ARHGAP17: variants seen among roughly 807,000 people sequenced by gnomAD.
The protein encoded by ARHGAP17 is Rho GTPase activating protein 17.
In ARHGAP17, 57 loss-of-function variants were observed where a neutral mutation model predicts 99.5. That is an observed-to-expected ratio of 0.57 (90% CI 0.46 to 0.71). The LOEUF is 0.71. Among genes scored for constraint, ARHGAP17 ranks in the 30% least tolerant of loss-of-function variants. ARHGAP17 has a pLI of 0.00. For synonymous variants in ARHGAP17, 417 were observed against 429.6 expected, an observed-to-expected ratio of 0.97 and a Z score of 0.36; for missense variants, 1,000 against 1,122.4, an observed-to-expected ratio of 0.89 and a Z score of 1.56.
chr16:24,968,076 A>C (rs2052244734), intron 6 of ARHGAP17, among the ~76,000 whole-genome samples: 1 of 152,110 alleles, frequency 6.6e-6, no homozygotes, highest in Admixed American at 6.5e-5. Context: ...TGCTCTCAAA[A>C]CTGCCACCAT....
At chr16:24,977,450 A>G (rs1018410856) in intron 2 of ARHGAP17, 131 bp from the exon 3 acceptor site, 2 of 640,540 alleles carry the variant, frequency 3.1e-6, no homozygotes, top group East Asian at 3.0e-5. Context: ...TTGCTATCAC[A>G]CTGAGTGGCG....
At chr16:24,959,492 G>A (rs866404677) in intron 9 of ARHGAP17, among the ~76,000 whole-genome samples, 179 bp downstream of exon 9, 9 of 152,200 alleles carry the variant, frequency 5.9e-5, no homozygotes, top group Non-Finnish European at 1.5e-5. Flanking sequence ...GTTAATTTGG[G>A]TTTGGAAGAA....
intron 9 of ARHGAP17, chr16:24,956,427 CAG>C (rs1012088137): frequency 6.6e-6 from 1 of 152,216 alleles, no homozygotes; most frequent in African/African-American, 2.4e-5. Context: ...GTAAAGTTAA[CAG>C]AGACTCCCTA....
chr16:24,951,138 T>G (rs540569688), intron 12 of ARHGAP17, among the ~76,000 whole-genome samples: 1 of 152,236 alleles, frequency 6.6e-6, no homozygotes, highest in Admixed American at 6.5e-5. Flanking sequence ...CCTCTAGGCT[T>G]TTTAAACAAA....
intron 14 of ARHGAP17, among the ~76,000 whole-genome samples, chr16:24,944,948 T>C (rs1200446239): frequency 6.6e-6 from 1 of 151,728 alleles, no homozygotes. Context: ...AACCTGAGCC[T>C]CCCATTCACA....
intron 1 of ARHGAP17, among the ~76,000 whole-genome samples, chr16:24,979,232 A>C (rs2052603952): frequency 1.3e-5 from 2 of 152,190 alleles, no homozygotes; most frequent in Non-Finnish European, 2.9e-5. Flanking sequence ...AACAAGAACA[A>C]ATGATCCTGA....
At chr16:24,940,537 T>A (rs2051283790) in intron 16 of ARHGAP17, among the ~76,000 whole-genome samples, 1 of 152,128 alleles carries the variant, frequency 6.6e-6, no homozygotes, top group African/African-American at 2.4e-5. Flanking sequence ...TACAAAAAAC[T>A]ATTTTTTTAG....
chr16:24,937,417 G>A (rs998575442), intron 17 of ARHGAP17, among the ~76,000 whole-genome samples: 1 of 151,766 alleles, frequency 6.6e-6, no homozygotes, highest in Non-Finnish European at 1.5e-5. Flanking sequence ...GCGAGACTTC[G>A]TCTCAAAAAA....
At chr16:24,938,866 G>C (rs972865402) in intron 17 of ARHGAP17, among the ~76,000 whole-genome samples, 24 of 152,278 alleles carry the variant, frequency 1.6e-4, no homozygotes, top group Admixed American at 9.2e-4. Flanking sequence ...TGAAATCTGG[G>C]GGTGTGGAGT....
chr16:24,925,202 A>G (rs1340449665), intron 19 of ARHGAP17, among the ~76,000 whole-genome samples: 1 of 152,090 alleles, frequency 6.6e-6, no homozygotes, highest in Non-Finnish European at 1.5e-5. Context: ...AATATGGCAA[A>G]ACCCTGTCTC....
At chr16:25,011,405 C>T (rs904514288) in intron 1 of ARHGAP17, among the ~76,000 whole-genome samples, 3 of 152,116 alleles carry the variant, frequency 2.0e-5, no homozygotes, top group Admixed American at 6.6e-5. Flanking sequence ...ACAGTGCCTA[C>T]CTAAAGAGTG....
At chr16:25,012,570 C>G (rs1032225251) in intron 1 of ARHGAP17, among the ~76,000 whole-genome samples, 1 of 152,220 alleles carries the variant, frequency 6.6e-6, no homozygotes, top group African/African-American at 2.4e-5. Flanking sequence ...AATCCTGATT[C>G]TGGGGCCAAC....
intron 17 of ARHGAP17, among the ~76,000 whole-genome samples, chr16:24,937,721 T>C (rs2051181203): frequency 6.6e-6 from 1 of 152,158 alleles, no homozygotes; most frequent in African/African-American, 2.4e-5. Context: ...GAAACAAGAT[T>C]CCTATCTCAC....
At chr16:24,993,360 C>T (rs554580657) in intron 1 of ARHGAP17, among the ~76,000 whole-genome samples, 33 of 151,884 alleles carry the variant, frequency 2.2e-4, no homozygotes, top group Admixed American at 5.2e-4. Context: ...CCGAGGTGGG[C>T]GGATCACCTA....
At chr16:24,994,806 C>A (rs1008871047) in intron 1 of ARHGAP17, among the ~76,000 whole-genome samples, 7 of 152,170 alleles carry the variant, frequency 4.6e-5, no homozygotes, top group Non-Finnish European at 8.8e-5. Context: ...ACCTAATACA[C>A]ACTTTACTTG....
intron 1 of ARHGAP17, among the ~76,000 whole-genome samples, chr16:24,983,778 T>C (rs1258851066): frequency 6.6e-6 from 1 of 152,248 alleles, no homozygotes; most frequent in East Asian, 1.9e-4. Context: ...CTCGCCATTT[T>C]ACTCTGGGGT....
At chr16:24,924,900 C>T (rs1282686271) in intron 19 of ARHGAP17, among the ~76,000 whole-genome samples, 1 of 151,918 alleles carries the variant, frequency 6.6e-6, no homozygotes, top group Non-Finnish European at 1.5e-5. Flanking sequence ...CAGGTTCTAA[C>T]AGGTGTCTTT....
chr16:24,965,964 T>C (rs1365866755), intron 6 of ARHGAP17, among the ~76,000 whole-genome samples: 2 of 152,202 alleles, frequency 1.3e-5, no homozygotes, highest in African/African-American at 2.4e-5. Context: ...CCAACACCTA[T>C]TGTGATTAAG....
Position 24,977,276 on chromosome 16 carries a change from G to A in ARHGAP17, c.137C>T (p.Ser46Phe), listed in dbSNP as rs1039093323. ...GAAACATGCCACCAAGCGCTTATGG[G>A]AATGGTGGCATATTGACCGCACCGT... ...LDTVRSICHH[S>F]HKRLVACFQG... is the part of the protein sequence containing the mutation. The change falls in exon 3 of 20, where the codon TCC (serine) becomes TTC (phenylalanine). Residue 46 changes from serine to phenylalanine, a missense_variant. This residue lies in a region of ARHGAP17 where 472 missense variants were observed against 611.1 expected (regional missense o/e 0.77). Coordinates refer to ENST00000289968, the MANE Select transcript of ARHGAP17 (RefSeq NM_001006634.3). 1 of 1,597,628 alleles carries A rather than the reference G, an allele frequency of 6.3e-7. No homozygotes were observed. Among genetic ancestry groups the A allele is most frequent in the African/African-American group, 1.3e-5 (1 of 74,868 alleles).
Sources: gnomAD v4.1 joint callset for allele counts (sites outside exome capture counted in the v4.1 genomes callset) on GRCh38, gnomAD v4.1.1 for gene constraint, gnomAD v4.1.1 regional missense constraint, MANE v1.5 for transcripts, NCBI Gene and HGNC (gene_info 2026-07-23, HGNC 2026-07-21) for gene names.